SLC9A3: variants seen among roughly 807,000 people sequenced by gnomAD.
SLC9A3 encodes the protein solute carrier family 9 member A3.
Under a neutral mutation model 86.8 loss-of-function variants are expected in SLC9A3, and 37 were observed. The ratio of observed to expected loss-of-function variants is 0.43; its 90% confidence interval spans 0.33 to 0.56. The LOEUF is 0.56. SLC9A3 is among the 20% of genes least tolerant of loss of function. The pLI, the probability that SLC9A3 is intolerant of heterozygous loss-of-function variation, is 0.06. For missense variants in SLC9A3, 1,011 were observed against 1,171.9 expected, an observed-to-expected ratio of 0.86 and a Z score of 2.00; for synonymous variants, 581 against 528.3, an observed-to-expected ratio of 1.10 and a Z score of -1.37.
intron 11 of SLC9A3, 86 bp from the exon 12 acceptor site, chr5:476,758 G>A: frequency 6.6e-7 from 1 of 1,521,636 alleles, no homozygotes; most frequent in South Asian, 1.2e-5. Flanking sequence ...GCGGGCATCT[G>A]GCCCTGGCTG....
chr5:508,832 C>G (rs781456281), intron 1 of SLC9A3, among the ~76,000 whole-genome samples: 8 of 152,204 alleles, frequency 5.3e-5, no homozygotes, highest in Non-Finnish European at 1.0e-4. Flanking sequence ...TCTCAGGCCA[C>G]AGGTGGTGGC....
chr5:509,869 C>T (rs796252516), intron 1 of SLC9A3, among the ~76,000 whole-genome samples: 33 of 152,310 alleles, frequency 2.2e-4, no homozygotes, highest in African/African-American at 7.7e-4. Flanking sequence ...CCAGTTCCCG[C>T]GGCGCGAATC....
At chr5:475,161 C>T in intron 15 of SLC9A3, 29 bp from the exon 16 acceptor site, 1 of 1,541,496 alleles carries the variant, frequency 6.5e-7, no homozygotes, top group South Asian at 1.2e-5. Context: ...GCTAGTCAGC[C>T]TTCGGAGAGC....
rs1738508295 is a variant in SLC9A3 at position 473,368 on chromosome 5, C to T, written c.*11G>A. The T allele has an allele frequency of 7.1e-6, 10 of 1,417,820 alleles. No individual in the cohort carries two copies. The highest frequency in any genetic ancestry group is 8.3e-6 in the Non-Finnish European group (9 of 1,078,972). 87.8% of individuals were successfully genotyped at this position (1,417,820 alleles called of 1,614,324 possible). A position where few individuals can be genotyped will look rare whatever the true frequency, so the allele number is the denominator to read the frequency against. ...GACGAGCGGCCGGTTAGCGGCGTGT[C>T]GGAGCCGGTGTCACCTGCGGGAGAG... On this transcript the variant is annotated 3_prime_UTR_variant, in exon 17 of 17. Transcript: ENST00000264938.
At position 485,235 on chromosome 5, in the gene SLC9A3, C is replaced by A. The variant is rs780056132; in HGVS notation, c.676-4G>T. 25 of 1,612,688 alleles carry A rather than the reference C, an allele frequency of 1.6e-5. No individual in the cohort carries two copies. In the Admixed American group the frequency reaches 4.0e-4, roughly 26 times the overall value. The stretch of plus-strand genomic sequence containing the variant: ...ATTCAAACACATTGTACAGAACCTG[C>A]AGGGAAAACGGGCAGGGCGTTGGGT... On this transcript the variant is annotated splice_region_variant and splice_polypyrimidine_tract_variant and intron_variant, in intron 3 of 16. Transcript: ENST00000264938.
chr5:477,455 G>A lies in SLC9A3; in HGVS notation c.1648-11C>T, dbSNP rs770291696. ...CCCGCGGCGCTCTCCCTGTGGTCAGGAAGCAGCCCGGTCAGTGGCCTGAGC... is the reference window on the plus strand; with the variant it reads ...CCCGCGGCGCTCTCCCTGTGGTCAGAAAGCAGCCCGGTCAGTGGCCTGAGC... On this transcript the variant is annotated splice_polypyrimidine_tract_variant and intron_variant, in intron 10 of 16. Coordinates refer to ENST00000264938, the MANE Select transcript of SLC9A3 (RefSeq NM_004174.4). 1 of 1,601,052 alleles carries A rather than the reference G, an allele frequency of 6.2e-7. No homozygotes were observed. Among genetic ancestry groups the A allele is most frequent in the Non-Finnish European group, 8.5e-7 (1 of 1,170,946 alleles).
In SLC9A3 at chr5:488,368, A is replaced by C. The variant is rs1268833149; in HGVS notation, c.623T>G (p.Val208Gly). The change falls in exon 3 of 17, where the codon GTC (valine) becomes GGC (glycine). Residue 208 changes from valine (V) to glycine (G), a missense_variant. By Grantham distance (109) the Val-to-Gly change is moderately radical (BLOSUM62 -3). This residue lies in a region of SLC9A3 where 565 missense variants were observed against 790.0 expected (regional missense o/e 0.72). Transcript: ENST00000264938. The stretch of plus-strand genomic sequence containing the variant: ...CTCCCCGAAGACGATGATGAACAGG[A>C]CCTCGTTGACATGGACCTCCTCAAA... ...AVFEEVHVNE[V>G]LFIIVFGESL... is the part of the protein sequence containing the mutation. 6.2e-7 allele frequency: 1 copy of C among 1,612,602 alleles called. No homozygotes were observed. The highest frequency in any genetic ancestry group is 8.5e-7 in the Non-Finnish European group (1 of 1,179,814).
intron 9 of SLC9A3, among the ~76,000 whole-genome samples, chr5:481,341 C>G (rs1474814298): frequency 6.6e-6 from 1 of 152,228 alleles, no homozygotes; most frequent in African/African-American, 2.4e-5. Context: ...GAGAATTCAG[C>G]TCCTGTCCCC....
At chr5:493,191 T>C (rs1420946375) in intron 1 of SLC9A3, among the ~76,000 whole-genome samples, 1 of 152,046 alleles carries the variant, frequency 6.6e-6, no homozygotes, top group Non-Finnish European at 1.5e-5. Flanking sequence ...ACAAATGAGG[T>C]GCGTCCTCCG....
chr5:483,471 CAGA>C lies in SLC9A3; in HGVS notation c.941_943del (p.Phe314del). ...CACATACTTCTGACAGCAGATGCCA[CAGA>C]AGGTGATGCTGCAGGGACAGACGCG... On this transcript the variant is annotated inframe_deletion, in exon 6 of 17. Transcript: ENST00000264938. The C allele has an allele frequency of 1.3e-6, 2 of 1,577,120 alleles. No homozygotes were observed. The highest frequency in any genetic ancestry group is 1.7e-6 in the Non-Finnish European group (2 of 1,161,514).
chr5:510,521 A>G (rs977309503), intron 1 of SLC9A3, among the ~76,000 whole-genome samples: 7 of 152,148 alleles, frequency 4.6e-5, no homozygotes, highest in African/African-American at 1.7e-4. Context: ...AGTGAACCCT[A>G]GAACTACTTG....
chr5:506,165 C>G (rs1353445564), intron 1 of SLC9A3, among the ~76,000 whole-genome samples: 2 of 152,138 alleles, frequency 1.3e-5, no homozygotes, highest in African/African-American at 4.8e-5. Flanking sequence ...TCAAGGAGCT[C>G]TGGGTCCTGC....
At chr5:515,367 C>T (rs1186695062) in intron 1 of SLC9A3, among the ~76,000 whole-genome samples, 1 of 152,098 alleles carries the variant, frequency 6.6e-6, no homozygotes. Flanking sequence ...CCCTTGGGCA[C>T]CCTGGCTGCT....
chr5:473,812 G>A (rs1490004997), intron 16 of SLC9A3, among the ~76,000 whole-genome samples: 2 of 152,220 alleles, frequency 1.3e-5, no homozygotes, highest in African/African-American at 4.8e-5. Context: ...TGAGCTGGAG[G>A]CAGAGTCCGG....
Position 488,345 on chromosome 5 carries a change from C to T in SLC9A3, c.646G>A (p.Glu216Lys). 6.2e-7 allele frequency: 1 copy of T among 1,612,728 alleles called. No homozygotes were observed. The highest frequency in any genetic ancestry group is 8.5e-7 in the Non-Finnish European group (1 of 1,179,878). The change falls in exon 3 of 17, where the codon GAG becomes AAG. Residue 216 changes from glutamate to lysine, a missense_variant. This residue lies in a region of SLC9A3 where 565 missense variants were observed against 790.0 expected (regional missense o/e 0.72). Coordinates refer to ENST00000264938, the MANE Select transcript of SLC9A3 (RefSeq NM_004174.4). ...GTGACTGCGTCGTTCAGCAGCGACT[C>T]CCCGAAGACGATGATGAACAGGACC... ...NEVLFIIVFGESLLNDAVTVV... is the reference protein window; with the variant it reads ...NEVLFIIVFGKSLLNDAVTVV...
At chr5:482,852 G>A (rs998562679) in intron 6 of SLC9A3, 102 bp from the exon 7 acceptor site, 17 of 893,744 alleles carry the variant, frequency 1.9e-5, no homozygotes, top group East Asian at 1.1e-4. Flanking sequence ...ATGTGCTGAC[G>A]AAGAACAGCG....
intron 1 of SLC9A3, among the ~76,000 whole-genome samples, chr5:507,330 G>T (rs1278544179): frequency 8.1e-6 from 1 of 123,386 alleles, no homozygotes; most frequent in Non-Finnish European, 1.7e-5. Context: ...ACCACGCCCA[G>T]CTAATTTTTT....
At chr5:514,558 G>A (rs1579825160) in intron 1 of SLC9A3, among the ~76,000 whole-genome samples, 1 of 152,234 alleles carries the variant, frequency 6.6e-6, no homozygotes, top group African/African-American at 2.4e-5. Context: ...GGGAAGGAGT[G>A]GTACGGCCCG....
intron 15 of SLC9A3, 66 bp downstream of exon 15, chr5:475,495 G>C: frequency 1.1e-6 from 1 of 937,632 alleles, no homozygotes; most frequent in Non-Finnish European, 1.7e-6. Flanking sequence ...TCCAATGACC[G>C]AGCTCCCTCC....
Sources: gnomAD v4.1 joint callset for allele counts (sites outside exome capture counted in the v4.1 genomes callset) on GRCh38, gnomAD v4.1.1 for gene constraint, gnomAD v4.1.1 regional missense constraint, MANE v1.5 for transcripts, NCBI Gene and HGNC (gene_info 2026-07-23, HGNC 2026-07-21) for gene names.